The following FGD2 variants were observed in gnomAD, a reference collection of about 807,000 sequenced individuals.
FGD2 encodes the protein FYVE, RhoGEF and PH domain-containing protein 2.
FGD2 carries 52 observed loss-of-function variants against 75.9 expected under a neutral mutation model. The ratio of observed to expected loss-of-function variants is 0.69; its 90% CI spans 0.55 to 0.86. The LOEUF (loss-of-function observed/expected upper bound fraction) is 0.86, where lower values mean the gene tolerates loss of function less well. Ranked by LOEUF, FGD2 falls within the 40% of genes least tolerant of loss-of-function variation. FGD2 has a pLI of 0.00. For missense variants in FGD2, 790 were observed against 872.0 expected (o/e 0.91, Z 1.18); for synonymous variants, 347 against 348.6 (o/e 1.00, Z 0.05).
chr6:37,015,038 G>T lies in FGD2; in HGVS notation c.1029G>T (p.Leu343Phe). ...ACCCCATGGAGCGCTACCTTTTCTT[G>T]GTAAGAGGGTGCTGGGAGCTCCTCT... ...RNDPMERYLF[L>F]FNNMLLYCVP... Residue 343 changes from leucine to phenylalanine, a missense_variant and splice_region_variant, in exon 8 of 16, where the codon TTG becomes TTT. Physicochemically the swap from Leu to Phe is conservative, Grantham distance 22. Coordinates refer to ENST00000274963, the MANE Select transcript of FGD2 (RefSeq NM_173558.4). 1 of 1,612,380 alleles carries T rather than the reference G, an allele frequency of 6.2e-7. No individual in the cohort carries two copies. The highest frequency in any genetic ancestry group is 1.1e-5 in the South Asian group (1 of 90,888).
At position 37,029,064 on chromosome 6, in the gene FGD2, A is replaced by T. The variant is rs708016; in HGVS notation, c.*901A>T. On this transcript the variant is annotated 3_prime_UTR_variant, in exon 16 of 16. Transcript: ENST00000274963. Reference sequence around the variant, plus strand: ...AATAATAATAATAAACATCTATTGGACCAGGCTCTGTGCAAGGTGTTTTAT... The same window carrying T: ...AATAATAATAATAAACATCTATTGGTCCAGGCTCTGTGCAAGGTGTTTTAT... The T allele has an allele frequency of 1.3e-5, 2 of 151,964 alleles. No homozygotes were observed. The highest frequency in any genetic ancestry group is 2.9e-5 in the Non-Finnish European group (2 of 68,028). 9.4% of individuals were successfully genotyped at this position (151,964 alleles called of 1,614,324 possible).
Position 37,014,968 on chromosome 6 carries a change from T to C in FGD2, c.959T>C (p.Leu320Pro). The change falls in exon 8 of 16, where the codon CTG becomes CCG. Residue 320 changes from leucine (L) to proline (P), a missense_variant. Transcript: ENST00000274963. ...GACATAGTAGACCCCTCTAACACCC[T>C]GCTCCGTGAGGGCCCGGTCCTCAAG... The part of the protein sequence containing the change: ...EDDIVDPSNT[L>P]LREGPVLKIS... The C allele has an allele frequency of 6.2e-7, 1 of 1,614,124 alleles. No individual in the cohort carries two copies. Among genetic ancestry groups the C allele is most frequent in the Non-Finnish European group, 8.5e-7 (1 of 1,180,010 alleles).
chr6:37,021,055 C>T (rs189479204), intron 11 of FGD2, among the ~76,000 whole-genome samples: 1 of 149,608 alleles, frequency 6.7e-6, no homozygotes, highest in Non-Finnish European at 1.5e-5. Context: ...TGTGTGCATG[C>T]ATGTGTGCAT....
intron 15 of FGD2, 91 bp from the exon 16 acceptor site, chr6:37,027,857 C>A: frequency 7.1e-7 from 1 of 1,398,768 alleles, no homozygotes; most frequent in Non-Finnish European, 9.9e-7. Flanking sequence ...AGGGTGTGAG[C>A]TGTGCGTGCG....
At chr6:37,017,640 G>T (rs1246578159) in intron 9 of FGD2, among the ~76,000 whole-genome samples, 1 of 152,174 alleles carries the variant, frequency 6.6e-6, no homozygotes, top group Non-Finnish European at 1.5e-5. Context: ...TGAGGGCTGG[G>T]ACTGGAAGAA....
intron 14 of FGD2, 34 bp downstream of exon 14, chr6:37,025,972 C>T: frequency 6.2e-7 from 1 of 1,611,172 alleles, no homozygotes; most frequent in Non-Finnish European, 8.5e-7. Context: ...CACCATCCGT[C>T]CTCTGTTCAG....
At chr6:37,013,877 TGCCTACTCGTCCGGCCCTCAGGAGCA>T in intron 5 of FGD2, 59 bp from the exon 6 acceptor site, 1 of 1,583,228 alleles carries the variant, frequency 6.3e-7, no homozygotes, top group East Asian at 2.2e-5. Flanking sequence ...CATAGGCCCC[TGCCTACTCGTCCGGCCCTCAGGAGCA>T]GCCTGACCCA....
At chr6:37,015,212 C>A (rs1765226377) in intron 8 of FGD2, among the ~76,000 whole-genome samples, 174 bp downstream of exon 8, 1 of 152,212 alleles carries the variant, frequency 6.6e-6, no homozygotes, top group Non-Finnish European at 1.5e-5. Flanking sequence ...TCACCTGCTG[C>A]CTCTAAGCCT....
In FGD2 at chr6:37,022,222, C is replaced by A; in HGVS notation, c.1327-17C>A. ...TCACCAAGGGCCCATTCCTGCCCAA[C>A]TCCCCTTAACCCACAGCTGCAGTCT... On this transcript the variant is annotated splice_polypyrimidine_tract_variant and intron_variant, in intron 12 of 15. Coordinates refer to ENST00000274963, the MANE Select transcript of FGD2 (RefSeq NM_173558.4). 6.3e-7 allele frequency: 1 copy of A among 1,597,524 alleles called. No homozygotes were observed. The highest frequency in any genetic ancestry group is 8.5e-7 in the Non-Finnish European group (1 of 1,171,226).
At chr6:37,009,157 C>A in intron 2 of FGD2, 92 bp downstream of exon 2, 3 of 1,255,366 alleles carry the variant, frequency 2.4e-6, no homozygotes, top group East Asian at 2.5e-5. Context: ...CCAGAGCCAG[C>A]AGTTCCCCAG....
At chr6:37,008,677 T>C (rs1286517815) in intron 1 of FGD2, among the ~76,000 whole-genome samples, 157 bp from the exon 2 acceptor site, 2 of 152,084 alleles carry the variant, frequency 1.3e-5, no homozygotes, top group Non-Finnish European at 2.9e-5. Flanking sequence ...GGGAGAGAAG[T>C]GAAAGTCTTA....
rs183146589 is a variant in FGD2, at chr6:37,022,686, T to C, written c.1458+316T>C. 7.3e-3 allele frequency: 2,241 copies of C among 305,848 alleles called. 22 individuals are homozygous for C. Among genetic ancestry groups the C allele is most frequent in the Middle Eastern group, 0.022 (61 of 2,748 alleles). The allele number at this position is 305,848 out of a possible 1,614,324, so 18.9% of individuals were successfully genotyped here. On this transcript the variant is annotated intron_variant, in intron 13 of 15. Coordinates refer to ENST00000274963, the MANE Select transcript of FGD2 (RefSeq NM_173558.4). The stretch of plus-strand genomic sequence containing the variant: ...GGCCTCCACCTGCCCCACCTTGGCT[T>C]CCACCAGTGTCACCCAGGCCTCTAC...
chr6:37,007,135 G>A (rs1764791582), intron 1 of FGD2, among the ~76,000 whole-genome samples: 1 of 152,210 alleles, frequency 6.6e-6, no homozygotes, highest in South Asian at 2.1e-4. Flanking sequence ...AACTGTAGAG[G>A]ATGAAGAAGG....
At chr6:37,027,807 C>A in intron 15 of FGD2, 141 bp from the exon 16 acceptor site, 1 of 1,066,332 alleles carries the variant, frequency 9.4e-7, no homozygotes, top group Non-Finnish European at 1.3e-6. Flanking sequence ...TCCTCTTCCT[C>A]GATGGCCTTC....
rs776315511 is a variant in FGD2, at chr6:37,022,328, C to T, written c.1416C>T (p.Asn472=). ...TMCMRCQEPF[N]ALTRRRHHCR... Reference sequence around the variant, plus strand: ...GCATGCGCTGCCAGGAGCCCTTCAACGCTCTGACGCGCCGTCGCCACCACT... The same window carrying T: ...GCATGCGCTGCCAGGAGCCCTTCAATGCTCTGACGCGCCGTCGCCACCACT... Residue 472 remains asparagine, a synonymous_variant, in exon 13 of 16, where the codon AAC becomes AAT. Transcript: ENST00000274963. 1.9e-5 allele frequency: 30 copies of T among 1,588,440 alleles called. No homozygotes were observed. The highest frequency in any genetic ancestry group is 4.5e-5 in the South Asian group (4 of 88,868).
rs1765020939 is a variant in FGD2, at chr6:37,011,783, C to T, written c.456C>T (p.Ser152=). 6.2e-7 allele frequency: 1 copy of T among 1,614,064 alleles called. No individual in the cohort carries two copies. The highest frequency in any genetic ancestry group is 8.5e-7 in the Non-Finnish European group (1 of 1,180,030). ...FPEDVVRVIF[S]NISSIYQFHS... is the part of the protein sequence containing the mutation. ...AGGATGTGGTCAGGGTCATCTTCTC[C>T]AACATCTCCTCCATCTATCAGTTCC... The change falls in exon 4 of 16, where the codon TCC becomes TCT. Residue 152 remains serine, a synonymous_variant. Transcript: ENST00000274963.
In FGD2 at chr6:37,011,048, C is replaced by T. The variant is rs1466953763; in HGVS notation, c.376C>T (p.Gln126Ter). The T allele has an allele frequency of 1.2e-6, 2 of 1,614,120 alleles. No homozygotes were observed. Residue 126 changes from glutamine to a stop codon, truncating the protein, a stop_gained and splice_region_variant, in exon 3 of 16, where the codon CAG (glutamine) becomes TAG (stop). Transcript: ENST00000274963. LOFTEE classifies it high-confidence loss of function. ...TGTGGCGCGCCTCCACCTGCTAGACCAGGCCAGTGACCAGGACACCCCCCT... is the reference window on the plus strand; with the variant it reads ...TGTGGCGCGCCTCCACCTGCTAGACTAGGCCAGTGACCAGGACACCCCCCT... The part of the protein sequence containing the change: ...AYVARLHLLD[Q>*]VFFQELLKTA...
chr6:37,006,603 T>C (rs1471379231), intron 1 of FGD2, among the ~76,000 whole-genome samples: 1 of 151,932 alleles, frequency 6.6e-6, no homozygotes. Flanking sequence ...GGAGCATGTG[T>C]GTTTGTGTGT....
intron 9 of FGD2, among the ~76,000 whole-genome samples, chr6:37,019,329 G>T (rs1765452580): frequency 6.6e-6 from 1 of 152,180 alleles, no homozygotes; most frequent in African/African-American, 2.4e-5. Context: ...CCTCCTCATT[G>T]CCAAGGGCAT....
Sources: gnomAD v4.1 joint callset for allele counts (sites outside exome capture counted in the v4.1 genomes callset) on GRCh38, gnomAD v4.1.1 for gene constraint, MANE v1.5 for transcripts, NCBI Gene and HGNC (gene_info 2026-07-23, HGNC 2026-07-21) for gene names.